CUX1: variants seen among roughly 807,000 people sequenced by gnomAD.
CUX1 encodes protein CASP.
CUX1 carries 31 observed loss-of-function variants against 158.8 expected under a neutral mutation model. That is an observed-to-expected ratio of 0.20 (90% CI 0.15 to 0.26). The LOEUF (loss-of-function observed/expected upper bound fraction) is 0.26. CUX1 is among the 10% of genes least tolerant of loss of function. The probability of loss-of-function intolerance (pLI) is 1.00; values close to 1 mark genes in which losing one functional copy is unlikely to be tolerated. For synonymous variants in CUX1, 879 were observed against 862.1 expected (o/e 1.02, Z -0.34); for missense variants, 1,589 against 2,014.6 (o/e 0.79, Z 4.04).
At chr7:102,205,251 G>GCCGGGAC in intron 20 of CUX1, 81 bp downstream of exon 20, 1 of 1,053,906 alleles carries the variant, frequency 9.5e-7, no homozygotes, top group South Asian at 1.3e-5. Flanking sequence ...CTGTCCCGGC[G>GCCGGGAC]AGACTCCGAG....
intron 10 of CUX1, 68 bp downstream of exon 10, chr7:102,170,618 T>C: frequency 2.8e-6 from 3 of 1,052,868 alleles, no homozygotes; most frequent in Non-Finnish European, 4.2e-6. Context: ...TACAGCCGCT[T>C]GCTCCTTTTT....
chr7:101,994,028 C>T (rs2129251373), intron 2 of CUX1, among the ~76,000 whole-genome samples: 1 of 152,348 alleles, frequency 6.6e-6, no homozygotes, highest in Admixed American at 6.5e-5. Flanking sequence ...CACATTGAGG[C>T]TTCCAGCCCC....
chr7:101,854,772 TCTCA>T (rs1376145574), intron 1 of CUX1, among the ~76,000 whole-genome samples: 1 of 152,198 alleles, frequency 6.6e-6, no homozygotes, highest in East Asian at 1.9e-4. Flanking sequence ...TGAGATGAAG[TCTCA>T]CTCTATCACC....
intron 10 of CUX1, among the ~76,000 whole-genome samples, chr7:102,173,296 G>A (rs1039354894): frequency 1.3e-5 from 2 of 152,318 alleles, no homozygotes; most frequent in South Asian, 4.1e-4. Context: ...GGAGACAGAG[G>A]TTGTGCAGTG....
chr7:102,081,546 C>T (rs1827414170), intron 4 of CUX1, among the ~76,000 whole-genome samples: 1 of 147,196 alleles, frequency 6.8e-6, no homozygotes, highest in Non-Finnish European at 1.5e-5. Flanking sequence ...TCACCTTCCG[C>T]CACAACTGTT....
Position 102,067,809 on chromosome 7 carries a change from G to T in CUX1, c.190-2530G>T, listed in dbSNP as rs570199747. Reference sequence around the variant, plus strand: ...AATCTCGCCTGACCCCTGAGGTCAGGAGTTCAAGACCAGCCTGGCCAACAT... The same window carrying T: ...AATCTCGCCTGACCCCTGAGGTCAGTAGTTCAAGACCAGCCTGGCCAACAT... On this transcript the variant is annotated intron_variant, in intron 3 of 23. Transcript: ENST00000292535. Among the ~76,000 whole-genome samples the T allele has an allele frequency of 6.2e-4, 94 of 151,156 alleles. 2 individuals carry two copies. In the South Asian group the frequency reaches 0.02, roughly 32 times the overall value.
At chr7:102,111,559 G>T in intron 6 of CUX1, 139 bp from the exon 7 acceptor site, 4 of 708,582 alleles carry the variant, frequency 5.6e-6, no homozygotes, top group Non-Finnish European at 9.9e-6. Context: ...CACGGCACAC[G>T]TGTCGTTGCG....
chr7:102,035,328 C>T (rs1356886113), intron 3 of CUX1, among the ~76,000 whole-genome samples: 1 of 152,042 alleles, frequency 6.6e-6, no homozygotes, highest in Admixed American at 6.6e-5. Flanking sequence ...TGGTGAATAC[C>T]TGATGATAAA....
intron 10 of CUX1, among the ~76,000 whole-genome samples, chr7:102,170,975 T>TAGGGGTGGGC: frequency 7.3e-6 from 1 of 137,422 alleles, no homozygotes; most frequent in South Asian, 2.2e-4. Context: ...GCTGGGAGGG[T>TAGGGGTGGGC]AGGGGTGGGC....
chr7:101,852,477 G>A (rs1365747791), intron 1 of CUX1, among the ~76,000 whole-genome samples: 2 of 151,796 alleles, frequency 1.3e-5, no homozygotes, highest in East Asian at 4.0e-4. Flanking sequence ...AATTAGCTGG[G>A]CATCGTGGCA....
chr7:101,906,509 G>A (rs1802773907), intron 1 of CUX1, among the ~76,000 whole-genome samples: 1 of 152,028 alleles, frequency 6.6e-6, no homozygotes, highest in Non-Finnish European at 1.5e-5. Flanking sequence ...AGGGTTCTGG[G>A]GAGCCCTGGG....
At chr7:102,030,689 G>GT (rs1585341128) in intron 3 of CUX1, among the ~76,000 whole-genome samples, 2 of 82,540 alleles carry the variant, frequency 2.4e-5, no homozygotes, top group African/African-American at 1.1e-4. Context: ...ATTTTAAAAA[G>GT]TGTTTTTTTT....
At chr7:102,185,279 G>GAGTA (rs1793509037) in intron 11 of CUX1, among the ~76,000 whole-genome samples, 1 of 152,186 alleles carries the variant, frequency 6.6e-6, no homozygotes, top group African/African-American at 2.4e-5. Context: ...TGCCCACACT[G>GAGTA]TACTAAGCTC....
chr7:102,182,989 C>A (rs1478307956), intron 11 of CUX1, among the ~76,000 whole-genome samples: 1 of 152,180 alleles, frequency 6.6e-6, no homozygotes, highest in Non-Finnish European at 1.5e-5. Flanking sequence ...ACCTAGGGGT[C>A]TTTTCCAAAC....
chr7:102,213,050 C>G (rs1337520915), intron 20 of CUX1, among the ~76,000 whole-genome samples: 1 of 152,040 alleles, frequency 6.6e-6, no homozygotes, highest in Non-Finnish European at 1.5e-5. Context: ...CACCATGTTG[C>G]TCAGGCTGGC....
chr7:102,107,305 G>A (rs1221880714), intron 6 of CUX1, among the ~76,000 whole-genome samples: 1 of 152,168 alleles, frequency 6.6e-6, no homozygotes, highest in Non-Finnish European at 1.5e-5. Context: ...TTGGGAGGGT[G>A]AGGTGGGTGG....
At chr7:101,994,990 A>C (rs1403702771) in intron 2 of CUX1, among the ~76,000 whole-genome samples, 1 of 151,836 alleles carries the variant, frequency 6.6e-6, no homozygotes, top group Admixed American at 6.6e-5. Context: ...TCAGTTATTT[A>C]GAAGGCCGAG....
intron 2 of CUX1, among the ~76,000 whole-genome samples, chr7:102,009,228 C>G (rs1168871460): frequency 6.6e-6 from 1 of 152,178 alleles, no homozygotes; most frequent in East Asian, 1.9e-4. Context: ...AGGGATGATT[C>G]CATACCTGAA....
At chr7:101,837,911 A>G (rs1022911436) in intron 1 of CUX1, among the ~76,000 whole-genome samples, 3 of 150,638 alleles carry the variant, frequency 2.0e-5, no homozygotes, top group African/African-American at 7.3e-5. Flanking sequence ...TCCCATTTCT[A>G]CACCACGTGC....
Sources: gnomAD v4.1 joint callset for allele counts (sites outside exome capture counted in the v4.1 genomes callset) on GRCh38, gnomAD v4.1.1 for gene constraint, MANE v1.5 for transcripts, NCBI Gene and HGNC (gene_info 2026-07-23, HGNC 2026-07-21) for gene names.